MME: variants seen among roughly 807,000 people sequenced by gnomAD.
MME encodes neprilysin.
MME carries 98 observed loss-of-function variants against 113.2 expected under a neutral mutation model. That is an observed-to-expected ratio of 0.87 (90% CI 0.74 to 1.02). The LOEUF (loss-of-function observed/expected upper bound fraction) is 1.02. Ranked by LOEUF, MME falls within the 50% of genes least tolerant of loss-of-function variation. The pLI, the probability that MME is intolerant of heterozygous loss-of-function variation, is 0.00. For missense variants in MME, 836 were observed against 896.0 expected (o/e 0.93, Z 0.86); for synonymous variants, 292 against 300.6 (o/e 0.97, Z 0.30).
At chr3:155,174,325 CGTGTGTGTGTGTGTGTGT>C (rs3839085) in intron 22 of MME, among the ~76,000 whole-genome samples, 127 of 110,324 alleles carry the variant, frequency 1.2e-3, no homozygotes, top group South Asian at 1.1e-3. Context: ...ACAACAGAAG[CGTGTGTGTGTGTGTGTGT>C]GTGTGTGTGT....
intron 16 of MME, among the ~76,000 whole-genome samples, chr3:155,157,498 T>C (rs1478821766): frequency 6.6e-6 from 1 of 152,300 alleles, no homozygotes; most frequent in East Asian, 1.9e-4. Flanking sequence ...CAGCATCAAA[T>C]TTGGACTGCA....
intron 1 of MME, among the ~76,000 whole-genome samples, chr3:155,041,783 A>T (rs1713331191): frequency 6.6e-6 from 1 of 152,190 alleles, no homozygotes; most frequent in Non-Finnish European, 1.5e-5. Context: ...TAGAGTGGAG[A>T]GAAAGGCAAA....
intron 18 of MME, among the ~76,000 whole-genome samples, chr3:155,167,428 A>T (rs1439198058): frequency 6.6e-6 from 1 of 151,394 alleles, no homozygotes; most frequent in Non-Finnish European, 1.5e-5. Context: ...AAGACTCTTA[A>T]GCTGCTTAAG....
At position 155,138,160 on chromosome 3, in the gene MME, A is replaced by G. The variant is rs200279069; in HGVS notation, c.779A>G (p.Glu260Gly). 2.5e-6 allele frequency: 4 copies of G among 1,613,798 alleles called. No homozygotes were observed. In the East Asian group the frequency reaches 6.7e-5, roughly 27 times the overall value. ...ISVARLIRQE[E>G]RLPIDENQLA... The stretch of plus-strand genomic sequence containing the variant: ...GTGGCCAGATTGATTCGTCAGGAAG[A>G]AAGATTGCCCATCGATGAAAACCAG... Residue 260 changes from glutamate (E) to glycine (G), a missense_variant, in exon 9 of 23, where the codon GAA becomes GGA. Transcript: ENST00000360490.
In MME at chr3:155,047,912, T is replaced by G. The variant is rs373100136; in HGVS notation, c.-11+23588T>G. 1.2e-4 allele frequency among the ~76,000 whole-genome samples: 19 copies of G among 152,288 alleles called. No individual in the cohort carries two copies. In the East Asian group the frequency reaches 1.7e-3, roughly 14 times the overall value. ...ATGTTCGGAGCCTTTGTTAATCTGT[T>G]GTAGGTGTTGCTCATGTATTTATGG... On this transcript the variant is annotated intron_variant, in intron 1 of 22. Coordinates refer to the MME transcript ENST00000492661.
chr3:155,158,834 G>A (rs1399006538), intron 16 of MME: 2 of 151,618 alleles, frequency 1.3e-5, no homozygotes, highest in East Asian at 1.9e-4. Flanking sequence ...CTGATGACTC[G>A]GCTGTAATGA....
At chr3:155,078,649 A>ATGTGTG (rs531692651), upstream of MME, among the ~76,000 whole-genome samples, 221 of 130,770 alleles carry the variant, frequency 1.7e-3, no homozygotes, top group South Asian at 6.1e-3. Flanking sequence ...GAGTGTGAAT[A>ATGTGTG]TGTGTGTGTA....
chr3:155,094,391 G>C (rs1716544548), intron 3 of MME, among the ~76,000 whole-genome samples: 1 of 152,156 alleles, frequency 6.6e-6, no homozygotes, highest in Non-Finnish European at 1.5e-5. Context: ...CCTATTTCAT[G>C]TTACACGCCC....
intron 12 of MME, among the ~76,000 whole-genome samples, chr3:155,142,784 A>G (rs1721215628): frequency 6.6e-6 from 1 of 152,048 alleles, no homozygotes; most frequent in Non-Finnish European, 1.5e-5. Flanking sequence ...GCCTATACCT[A>G]TATTATTTAA....
At chr3:155,124,676 C>T (rs1330891842) in intron 8 of MME, among the ~76,000 whole-genome samples, 4 of 151,272 alleles carry the variant, frequency 2.6e-5, no homozygotes, top group South Asian at 2.1e-4. Flanking sequence ...GAATACCCTG[C>T]CGTGTGAGGT....
chr3:155,041,592 T>G (rs147580750), intron 1 of MME, among the ~76,000 whole-genome samples: 3 of 152,286 alleles, frequency 2.0e-5, no homozygotes, highest in East Asian at 3.9e-4. Flanking sequence ...CACTTTAATC[T>G]TGAAGATGGT....
chr3:155,049,460 T>C (rs1185462200), intron 1 of MME, among the ~76,000 whole-genome samples: 1 of 152,038 alleles, frequency 6.6e-6, no homozygotes, highest in East Asian at 1.9e-4. Context: ...AGCTTTGGAA[T>C]TGGGAAATGA....
intron 1 of MME, among the ~76,000 whole-genome samples, chr3:155,072,884 A>C (rs1159731197): frequency 6.6e-6 from 1 of 152,202 alleles, no homozygotes; most frequent in African/African-American, 2.4e-5. Context: ...AGTTTTTTAA[A>C]AACTATGTTG....
At chr3:155,079,159 A>C (rs555623858), upstream of MME, among the ~76,000 whole-genome samples, 2 of 152,024 alleles carry the variant, frequency 1.3e-5, no homozygotes. Context: ...TGGAGAAAGC[A>C]GGAGCAAGGA....
chr3:155,075,755 A>G (rs1190373950), upstream of MME, among the ~76,000 whole-genome samples: 1 of 152,122 alleles, frequency 6.6e-6, no homozygotes, highest in East Asian at 1.9e-4. Context: ...ACTTGGGCTC[A>G]AGTGATTTTC....
chr3:155,041,489 T>TA (rs200358705), intron 1 of MME, among the ~76,000 whole-genome samples: 24 of 152,158 alleles, frequency 1.6e-4, no homozygotes, highest in Admixed American at 1.4e-3. Flanking sequence ...TTTACATCTT[T>TA]AAAAAATCTA....
At chr3:155,125,307 G>T (rs1159115820) in intron 8 of MME, among the ~76,000 whole-genome samples, 2 of 81,594 alleles carry the variant, frequency 2.5e-5, no homozygotes, top group Admixed American at 1.7e-4. Flanking sequence ...ACTGGCCTGC[G>T]CCCACTGTCT....
intron 1 of MME, among the ~76,000 whole-genome samples, chr3:155,049,933 G>C (rs1230099179): frequency 1.3e-5 from 2 of 152,122 alleles, no homozygotes; most frequent in East Asian, 3.9e-4. Flanking sequence ...CATCACCCAG[G>C]TACTAAGCAC....
intron 14 of MME, among the ~76,000 whole-genome samples, chr3:155,145,144 A>G (rs1166101975): frequency 6.6e-6 from 1 of 152,186 alleles, no homozygotes; most frequent in Non-Finnish European, 1.5e-5. Flanking sequence ...GGTTAGGCCT[A>G]GAACCTCTGC....
Sources: gnomAD v4.1 joint callset for allele counts (sites outside exome capture counted in the v4.1 genomes callset) on GRCh38, gnomAD v4.1.1 for gene constraint, MANE v1.5 for transcripts, NCBI Gene and HGNC (gene_info 2026-07-23, HGNC 2026-07-21) for gene names.